Variants in PCDHA3 observed in about 807,000 individuals in gnomAD.
PCDHA3 encodes the protein protocadherin alpha 3, also known as protocadherin alpha-3.
A neutral mutation model predicts 62.2 loss-of-function variants in PCDHA3; 41 were observed. The observed-to-expected ratio is 0.66, with a 90% CI of 0.51 to 0.86. The LOEUF is 0.86. Ranked by LOEUF, PCDHA3 falls within the 40% of genes least tolerant of loss-of-function variation. The pLI, the probability that PCDHA3 is intolerant of heterozygous loss-of-function variation, is 0.00. For synonymous variants in PCDHA3, 640 were observed against 555.4 expected (o/e 1.15, Z -2.14); for missense variants, 1,304 against 1,241.2 (o/e 1.05, Z -0.76).
intron 1 of PCDHA3, among the ~76,000 whole-genome samples, chr5:140,919,657 A>G (rs1341455821): frequency 3.9e-5 from 6 of 152,258 alleles, no homozygotes; most frequent in Non-Finnish European, 8.8e-5. Flanking sequence ...AGTTTACCAT[A>G]TATATTTTAG....
At position 140,849,556 on chromosome 5, in the gene PCDHA3, C is replaced by G. The variant is rs2150440514; in HGVS notation, c.2394+45965C>G. On this transcript the variant is annotated intron_variant, in intron 1 of 3. Coordinates refer to ENST00000522353, the MANE Select transcript of PCDHA3 (RefSeq NM_018906.3). ...AATGCTCCACAGTTGACTATCAAAA[C>G]GCTCTCGGTTCCTGTAAAAGAGGAC... 3.1e-6 allele frequency: 5 copies of G among 1,598,518 alleles called. 1 individual carries two copies. In the Middle Eastern group the frequency reaches 5.0e-4, roughly 160 times the overall value.
chr5:140,830,221 G>T (rs2150182953), intron 1 of PCDHA3: 1 of 1,613,892 alleles, frequency 6.2e-7, no homozygotes, highest in South Asian at 1.1e-5. Flanking sequence ...TATCCAGCCT[G>T]CTGGTCCTCA....
At chr5:140,965,311 T>G (rs1415569065) in intron 1 of PCDHA3, among the ~76,000 whole-genome samples, 1 of 152,180 alleles carries the variant, frequency 6.6e-6, no homozygotes, top group Non-Finnish European at 1.5e-5. Context: ...TTCTACCTTC[T>G]CTTTTACTGA....
intron 1 of PCDHA3, chr5:140,869,142 A>G: frequency 6.2e-7 from 1 of 1,613,402 alleles, no homozygotes; most frequent in Non-Finnish European, 8.5e-7. Context: ...GCACCCCACG[A>G]CTACAGCTCT....
chr5:140,827,747 C>T lies in PCDHA3; in HGVS notation c.2394+24156C>T, dbSNP rs1323675103. On this transcript the variant is annotated intron_variant, in intron 1 of 3. Transcript: ENST00000522353. The stretch of plus-strand genomic sequence containing the variant: ...TTGTTTAGCTGTGAATAATTAGATC[C>T]CTTACTTTAAATTAATAAAAGAAGT... 2.0e-5 allele frequency among the ~76,000 whole-genome samples: 3 copies of T among 152,240 alleles called. No individual in the cohort carries two copies. In the East Asian group the frequency reaches 5.8e-4, roughly 29 times the overall value.
intron 1 of PCDHA3, chr5:140,884,600 C>T: frequency 6.2e-7 from 1 of 1,614,150 alleles, no homozygotes; most frequent in Non-Finnish European, 8.5e-7. Flanking sequence ...CAGCCTTCCT[C>T]CTTGTCTGGG....
intron 3 of PCDHA3, among the ~76,000 whole-genome samples, chr5:140,982,795 A>G (rs1011948194): frequency 3.3e-5 from 5 of 151,516 alleles, no homozygotes; most frequent in African/African-American, 1.2e-4. Context: ...GCATGTGTGC[A>G]TGTGTGTGTG....
In PCDHA3 at chr5:140,849,836, C is replaced by T. The variant is rs2150452657; in HGVS notation, c.2394+46245C>T. 6 of 1,598,428 alleles carry T rather than the reference C, an allele frequency of 3.8e-6. 1 individual carries two copies. The Admixed American group carries it at 5.1e-5, about 13-fold the overall frequency. On this transcript the variant is annotated intron_variant, in intron 1 of 3. Coordinates refer to ENST00000522353, the MANE Select transcript of PCDHA3 (RefSeq NM_018906.3). Reference sequence around the variant, plus strand: ...CCAGGGTGTCTGTGGAGGTGGCCGACGTGAACGACAACGCACCAGCGTTCG... The same window carrying T: ...CCAGGGTGTCTGTGGAGGTGGCCGATGTGAACGACAACGCACCAGCGTTCG...
intron 1 of PCDHA3, among the ~76,000 whole-genome samples, chr5:140,826,430 C>A (rs2150079400): frequency 6.6e-6 from 1 of 152,162 alleles, no homozygotes; most frequent in Admixed American, 6.5e-5. Context: ...TAGAATTTCA[C>A]ATGGAAGAAA....
chr5:140,828,906 G>A (rs2150160526), intron 1 of PCDHA3: 13 of 1,614,242 alleles, frequency 8.1e-6, no homozygotes, highest in Non-Finnish European at 9.3e-6. Flanking sequence ...CGGGATGAAG[G>A]AGCGAATGGG....
intron 3 of PCDHA3, among the ~76,000 whole-genome samples, chr5:140,983,234 G>C (rs1021819523): frequency 6.6e-6 from 1 of 152,196 alleles, no homozygotes; most frequent in Non-Finnish European, 1.5e-5. Context: ...TTTCAGGAAA[G>C]AGAACCTGCT....
intron 1 of PCDHA3, among the ~76,000 whole-genome samples, chr5:140,886,020 A>G (rs1402901328): frequency 2.0e-5 from 3 of 152,182 alleles, no homozygotes; most frequent in African/African-American, 7.2e-5. Flanking sequence ...GATGCTATGT[A>G]TTCTTCACTA....
At chr5:141,000,120 C>G (rs1554257146) in intron 3 of PCDHA3, among the ~76,000 whole-genome samples, 1 of 152,052 alleles carries the variant, frequency 6.6e-6, no homozygotes, top group African/African-American at 2.4e-5. Flanking sequence ...CCCTCATCCC[C>G]AAGGCTTCAC....
At chr5:140,806,888 T>C (rs1480925062) in intron 1 of PCDHA3, 4 of 435,694 alleles carry the variant, frequency 9.2e-6, no homozygotes, top group Middle Eastern at 3.1e-4. Flanking sequence ...ACAAAATGTA[T>C]TCCTATTCTC....
chr5:140,879,578 A>G (rs1298190690), intron 1 of PCDHA3, among the ~76,000 whole-genome samples: 4 of 152,244 alleles, frequency 2.6e-5, no homozygotes, highest in African/African-American at 9.6e-5. Context: ...AATTGCCAAG[A>G]CAGACATTGA....
chr5:140,857,187 C>A (rs202051639), intron 1 of PCDHA3: 1 of 1,598,516 alleles, frequency 6.3e-7, no homozygotes, highest in East Asian at 2.2e-5. Context: ...GATTCAGGAG[C>A]CAACGGACAG....
intron 1 of PCDHA3, among the ~76,000 whole-genome samples, chr5:140,937,848 C>G (rs939450579): frequency 1.4e-5 from 2 of 145,938 alleles, no homozygotes; most frequent in African/African-American, 2.5e-5. Flanking sequence ...GAAGGCGGAA[C>G]TTGGAGTGAG....
intron 3 of PCDHA3, among the ~76,000 whole-genome samples, chr5:141,008,048 G>A (rs2098358764): frequency 1.3e-5 from 2 of 151,972 alleles, no homozygotes; most frequent in South Asian, 4.2e-4. Flanking sequence ...TTTGTAACAG[G>A]GGTCCAGTCC....
intron 1 of PCDHA3, chr5:140,812,555 T>C (rs2126639999): frequency 2.0e-5 from 3 of 152,284 alleles, no homozygotes; most frequent in African/African-American, 4.8e-5. Flanking sequence ...CCTTGAGTTG[T>C]TAAGTTTTTT....
Sources: allele counts gnomAD v4.1 joint callset (sites outside exome capture counted in the v4.1 genomes callset), GRCh38; gene constraint gnomAD v4.1.1; transcripts MANE v1.5; gene names NCBI Gene and HGNC (gene_info 2026-07-23, HGNC 2026-07-21).